Variants in SEM1 observed in about 807,000 individuals in gnomAD.
SEM1 encodes SEM1 26S proteasome subunit, also known as 26S proteasome complex subunit SEM1.
Under a neutral mutation model 12.7 loss-of-function variants are expected in SEM1, and 3 were observed. The observed-to-expected ratio is 0.24, with a 90% CI of 0.11 to 0.61. The LOEUF (loss-of-function observed/expected upper bound fraction) is 0.61, where lower values mean the gene tolerates loss of function less well. SEM1 is among the 20% of genes least tolerant of loss of function. The pLI, the probability that SEM1 is intolerant of heterozygous loss-of-function variation, is 0.88. For missense variants in SEM1, 59 were observed against 81.3 expected (o/e 0.73, Z 1.06); for synonymous variants, 30 against 27.8 (o/e 1.08, Z -0.25).
chr7:96,589,276 C>G lies in SEM1; in HGVS notation c.171-82578G>C, dbSNP rs1428855471. 2.6e-5 allele frequency among the ~76,000 whole-genome samples: 4 copies of G among 152,142 alleles called. 1 individual carries two copies. The highest frequency in any genetic ancestry group is 5.9e-5 in the Non-Finnish European group (4 of 68,014). On this transcript the variant is annotated intron_variant and NMD_transcript_variant, in intron 2 of 3. Transcript: ENST00000466986. ...AGAGTGGCGCCTGCTACCAGGCCCTCCAGGTGGTTCTGGTACTCAACCCAC... is the reference window on the plus strand; with the variant it reads ...AGAGTGGCGCCTGCTACCAGGCCCTGCAGGTGGTTCTGGTACTCAACCCAC...
At chr7:96,624,775 A>T (rs557184817) in intron 2 of SEM1, among the ~76,000 whole-genome samples, 1 of 152,246 alleles carries the variant, frequency 6.6e-6, no homozygotes, top group Admixed American at 6.5e-5. Context: ...AGGAAGGGAT[A>T]TAAGGTGTAA....
At chr7:96,553,002 A>G (rs1448303008) in intron 2 of SEM1, among the ~76,000 whole-genome samples, 2 of 151,784 alleles carry the variant, frequency 1.3e-5, no homozygotes, top group Non-Finnish European at 2.9e-5. Flanking sequence ...TCTTTTGAGA[A>G]GTGTCTGTTC....
intron 2 of SEM1, among the ~76,000 whole-genome samples, chr7:96,553,317 T>C (rs1805358645): frequency 6.6e-6 from 1 of 151,836 alleles, no homozygotes; most frequent in Non-Finnish European, 1.5e-5. Flanking sequence ...CTAGGGTTTT[T>C]ATGGTTTTAG....
At chr7:96,648,785 G>GT (rs773427955) in intron 2 of SEM1, among the ~76,000 whole-genome samples, 8 of 152,128 alleles carry the variant, frequency 5.3e-5, no homozygotes, top group East Asian at 1.9e-4. Context: ...TTGCAAGTCA[G>GT]TTTTTTTTGC....
intron 2 of SEM1, among the ~76,000 whole-genome samples, chr7:96,559,521 G>A (rs1052265261): frequency 7.9e-5 from 12 of 152,098 alleles, no homozygotes; most frequent in African/African-American, 2.7e-4. Context: ...GAGATCAAGC[G>A]ACCCACCCAC....
chr7:96,678,769 T>C (rs975871005), intron 2 of SEM1, among the ~76,000 whole-genome samples: 1 of 152,060 alleles, frequency 6.6e-6, no homozygotes, highest in African/African-American at 2.4e-5. Context: ...TTAATTTGGA[T>C]AAGAAAAATT....
rs923665745 is a variant in SEM1 at position 96,640,727 on chromosome 7, A to G, written c.171-18084T>C. Among the ~76,000 whole-genome samples, 1 of 151,948 alleles carries G rather than the reference A, an allele frequency of 6.6e-6. No individual in the cohort carries two copies. The highest frequency in any genetic ancestry group is 2.4e-5 in the African/African-American group (1 of 41,400). On this transcript the variant is annotated intron_variant, in intron 2 of 2. Coordinates refer to the SEM1 transcript ENST00000417009. The surrounding 1 kb of genome is among the most constrained non-coding windows in gnomAD (Gnocchi z 4.0). Reference sequence around the variant, plus strand: ...CCCTAATGGAAACTATGAGCTTTGGATGATGATGTGTTACTGGAAGTTCAT... The same window carrying G: ...CCCTAATGGAAACTATGAGCTTTGGGTGATGATGTGTTACTGGAAGTTCAT...
At chr7:96,549,603 C>A (rs374238101) in intron 2 of SEM1, among the ~76,000 whole-genome samples, 2 of 152,162 alleles carry the variant, frequency 1.3e-5, no homozygotes, top group African/African-American at 4.8e-5. Flanking sequence ...GTTTTGTACT[C>A]TAAAGGTGCT....
chr7:96,652,182 AG>A (rs1809016409), intron 2 of SEM1, among the ~76,000 whole-genome samples: 2 of 152,174 alleles, frequency 1.3e-5, no homozygotes, highest in African/African-American at 2.4e-5. Flanking sequence ...TGCACACTCA[AG>A]TCAAGTGAAC....
At chr7:96,508,073 A>G (rs540488025) in intron 2 of SEM1, among the ~76,000 whole-genome samples, 11 of 152,120 alleles carry the variant, frequency 7.2e-5, no homozygotes, top group African/African-American at 2.4e-4. Flanking sequence ...ATGAAACTCA[A>G]GCTGGTGTAG....
intron 2 of SEM1, among the ~76,000 whole-genome samples, chr7:96,563,840 T>A (rs2115929741): frequency 6.6e-6 from 1 of 151,508 alleles, no homozygotes; most frequent in African/African-American, 2.4e-5. Flanking sequence ...TAAAGAGAAA[T>A]CCACCCAGAT....
At chr7:96,575,821 A>G (rs1806187148) in intron 2 of SEM1, among the ~76,000 whole-genome samples, 1 of 152,242 alleles carries the variant, frequency 6.6e-6, no homozygotes, top group Admixed American at 6.5e-5. Context: ...TTTGCAAACT[A>G]TGCATCTGAC....
At chr7:96,580,518 A>G (rs1015982654) in intron 2 of SEM1, among the ~76,000 whole-genome samples, 2 of 151,918 alleles carry the variant, frequency 1.3e-5, no homozygotes, top group African/African-American at 4.8e-5. Context: ...TGGTATTTCC[A>G]GTTCTAGATC....
At chr7:96,580,788 A>C (rs1380249628) in intron 2 of SEM1, among the ~76,000 whole-genome samples, 2 of 152,058 alleles carry the variant, frequency 1.3e-5, no homozygotes, top group African/African-American at 4.8e-5. Flanking sequence ...GTGTCTGTTC[A>C]TGTCCTTCGC....
chr7:96,653,278 A>T (rs1167384994), intron 2 of SEM1, among the ~76,000 whole-genome samples: 2 of 152,190 alleles, frequency 1.3e-5, no homozygotes, highest in African/African-American at 4.8e-5. Flanking sequence ...TAAAAAATGG[A>T]AGGTAGATTC....
Position 96,664,638 on chromosome 7 carries a change from T to C in SEM1, c.170+30160A>G, listed in dbSNP as rs982151951. Among the ~76,000 whole-genome samples the C allele has an allele frequency of 2.0e-4, 31 of 152,300 alleles. 1 individual carries two copies. Among genetic ancestry groups the C allele is most frequent in the Admixed American group, 5.9e-4 (9 of 15,298 alleles). On this transcript the variant is annotated intron_variant, in intron 2 of 2. Coordinates refer to the SEM1 transcript ENST00000417009. Reference sequence around the variant, plus strand: ...TCATTTTTGGCCATGTAAAACAATATGTTCACAGACTCAGGGGGTTAGGAC... The same window carrying C: ...TCATTTTTGGCCATGTAAAACAATACGTTCACAGACTCAGGGGGTTAGGAC...
At chr7:96,695,678 A>G (rs1187845945) in intron 1 of SEM1, 3 of 151,918 alleles carry the variant, frequency 2.0e-5, no homozygotes, top group Non-Finnish European at 1.5e-5. Context: ...AATAAAGACT[A>G]GATACTATGT....
At chr7:96,579,255 G>C (rs189207959) in intron 2 of SEM1, among the ~76,000 whole-genome samples, 7 of 152,226 alleles carry the variant, frequency 4.6e-5, no homozygotes, top group Admixed American at 2.6e-4. Flanking sequence ...ATATAGTTAT[G>C]CCTTTCAGCT....
At chr7:96,521,961 T>G (rs919766344) in intron 2 of SEM1, among the ~76,000 whole-genome samples, 6 of 151,940 alleles carry the variant, frequency 3.9e-5, no homozygotes, top group African/African-American at 1.4e-4. Flanking sequence ...TGAGACAAAA[T>G]TATTTACAGC....
Sources: allele counts gnomAD v4.1 joint callset (sites outside exome capture counted in the v4.1 genomes callset), GRCh38; gene constraint gnomAD v4.1.1; non-coding constraint Gnocchi (gnomAD v3.1); transcripts MANE v1.5; gene names NCBI Gene and HGNC (gene_info 2026-07-23, HGNC 2026-07-21).